The following NTM variants were observed in gnomAD, a reference collection of about 807,000 sequenced individuals.
NTM encodes neurotrimin.
In NTM, 13 loss-of-function variants were observed where a neutral mutation model predicts 42.1. The observed-to-expected ratio is 0.31, with a 90% CI of 0.20 to 0.49. The LOEUF is 0.49. Ranked by LOEUF, NTM falls within the 20% of genes least tolerant of loss-of-function variation. The probability of loss-of-function intolerance (pLI) is 0.99; values close to 1 mark genes in which losing one functional copy is unlikely to be tolerated. For synonymous variants in NTM, 187 were observed against 179.2 expected, an observed-to-expected ratio of 1.04 and a Z score of -0.35; for missense variants, 373 against 452.8, an observed-to-expected ratio of 0.82 and a Z score of 1.60.
At chr11:131,529,656 G>T (rs1404311744) in intron 1 of NTM, among the ~76,000 whole-genome samples, 1 of 152,108 alleles carries the variant, frequency 6.6e-6, no homozygotes, top group African/African-American at 2.4e-5. Context: ...TCATGGCATG[G>T]ATATTTATAC....
intron 2 of NTM, among the ~76,000 whole-genome samples, chr11:131,986,785 G>A (rs1406957561): frequency 2.6e-5 from 4 of 152,108 alleles, no homozygotes; most frequent in Non-Finnish European, 4.4e-5. Context: ...CTAGAAGAGT[G>A]CCTGACTATA....
At chr11:131,871,020 A>G (rs2047721186) in intron 1 of NTM, among the ~76,000 whole-genome samples, 1 of 152,200 alleles carries the variant, frequency 6.6e-6, no homozygotes, top group African/African-American at 2.4e-5. Flanking sequence ...GAAGGAACAA[A>G]TGTGAGAAAG....
intron 1 of NTM, among the ~76,000 whole-genome samples, chr11:131,499,913 T>C (rs437973): frequency 0.32 from 47,964 of 152,248 alleles, 7,812 homozygotes; most frequent in African/African-American, 0.37. Flanking sequence ...GAATAATTTC[T>C]TCTCTTTGAG....
chr11:131,812,997 G>A (rs2092801514), intron 1 of NTM, among the ~76,000 whole-genome samples: 1 of 152,174 alleles, frequency 6.6e-6, no homozygotes, highest in African/African-American at 2.4e-5. Context: ...TGGTTTTTAT[G>A]ACAACGTTTC....
intron 1 of NTM, among the ~76,000 whole-genome samples, chr11:131,476,749 C>T (rs1952978909): frequency 6.6e-6 from 1 of 152,008 alleles, no homozygotes; most frequent in Non-Finnish European, 1.5e-5. Flanking sequence ...AGAAGCCACA[C>T]TTCCCCTGCC....
At position 132,019,508 on chromosome 11, in the gene NTM, C is replaced by A. The variant is rs149354482; in HGVS notation, c.167+107860C>A. Among the ~76,000 whole-genome samples, 1,006 of 151,972 alleles carry A rather than the reference C, an allele frequency of 6.6e-3. 6 individuals are homozygous for A. The highest frequency in any genetic ancestry group is 0.023 in the African/African-American group (947 of 41,474). The stretch of plus-strand genomic sequence containing the variant: ...GAGATTGTGCTTTTAGGTATGCATA[C>A]CTATATAAGTATTACATCCTCCTGA... On this transcript the variant is annotated intron_variant, in intron 2 of 8. Transcript: ENST00000683400.
At chr11:131,941,215 T>C (rs2059758284) in intron 2 of NTM, among the ~76,000 whole-genome samples, 1 of 152,246 alleles carries the variant, frequency 6.6e-6, no homozygotes, top group Admixed American at 6.5e-5. Flanking sequence ...TGTGTTTGTG[T>C]GGCTCTATTT....
At chr11:131,512,570 C>T (rs902263126) in intron 1 of NTM, among the ~76,000 whole-genome samples, 5 of 152,228 alleles carry the variant, frequency 3.3e-5, no homozygotes, top group Non-Finnish European at 7.3e-5. Context: ...TCCCTCTCTA[C>T]TGCCCTCAGT....
chr11:131,972,287 A>G (rs529050990), intron 2 of NTM, among the ~76,000 whole-genome samples: 1 of 152,270 alleles, frequency 6.6e-6, no homozygotes, highest in South Asian at 2.1e-4. Context: ...CTAAAACTGA[A>G]TGAGTTAAAT....
At chr11:132,021,510 T>A (rs1024309755) in intron 2 of NTM, among the ~76,000 whole-genome samples, 5 of 152,194 alleles carry the variant, frequency 3.3e-5, no homozygotes, top group African/African-American at 1.2e-4. Flanking sequence ...GCCTCACTTT[T>A]CCCGCAAAGG....
chr11:131,952,707 C>A (rs959094986), intron 2 of NTM, among the ~76,000 whole-genome samples: 1 of 152,094 alleles, frequency 6.6e-6, no homozygotes, highest in South Asian at 2.1e-4. Context: ...CTAAAGCATT[C>A]AACTCAATTA....
At chr11:132,314,507 C>CATAACCATCTT (rs1565457176) in intron 6 of NTM, 45 bp from the exon 7 acceptor site, 1 of 1,577,784 alleles carries the variant, frequency 6.3e-7, no homozygotes, top group East Asian at 2.2e-5. Context: ...TATGAGGACA[C>CATAACCATCTT]ATAACCATCT....
At chr11:131,745,069 C>T (rs961939918) in intron 1 of NTM, among the ~76,000 whole-genome samples, 1 of 152,230 alleles carries the variant, frequency 6.6e-6, no homozygotes, top group African/African-American at 2.4e-5. Flanking sequence ...AAAACAAACT[C>T]TGACACACAG....
chr11:131,901,654 GAA>G (rs370371583), intron 1 of NTM, among the ~76,000 whole-genome samples: 2 of 144,310 alleles, frequency 1.4e-5, no homozygotes, highest in Admixed American at 6.9e-5. Context: ...CTCTGCCTTT[GAA>G]AAAAAAAAAG....
chr11:131,587,148 C>A (rs890929358), intron 1 of NTM, among the ~76,000 whole-genome samples: 5 of 152,260 alleles, frequency 3.3e-5, no homozygotes, highest in Admixed American at 3.3e-4. Context: ...CTCCATTTTA[C>A]AGATAAGGTA....
chr11:131,495,477 C>T lies in NTM; in HGVS notation c.82+124589C>T, dbSNP rs115403104. ...TGTGCTGCGGTGGGGCTTGCTTTTG[C>T]CTCTCTGCCCCACTAACTTTCCTCT... On this transcript the variant is annotated intron_variant, in intron 1 of 8. Transcript: ENST00000683400. 7.9e-3 allele frequency among the ~76,000 whole-genome samples: 1,203 copies of T among 152,328 alleles called. 15 individuals are homozygous for T. Among genetic ancestry groups the T allele is most frequent in the African/African-American group, 0.028 (1,155 of 41,566 alleles).
chr11:132,114,049 C>T (rs1284506604), intron 2 of NTM, among the ~76,000 whole-genome samples: 1 of 152,136 alleles, frequency 6.6e-6, no homozygotes, highest in Non-Finnish European at 1.5e-5. Context: ...CTTATTTCAT[C>T]ATCAACAAAT....
intron 4 of NTM, among the ~76,000 whole-genome samples, chr11:132,237,701 C>G (rs2089310659): frequency 6.6e-6 from 1 of 152,230 alleles, no homozygotes; most frequent in Non-Finnish European, 1.5e-5. Context: ...CAACTGTCCT[C>G]CCCTGTAAAT....
intron 1 of NTM, among the ~76,000 whole-genome samples, chr11:131,812,488 C>T (rs1325151091): frequency 6.6e-6 from 1 of 152,122 alleles, no homozygotes; most frequent in African/African-American, 2.4e-5. Flanking sequence ...CTTGCCTTCT[C>T]TCCATCCCTC....
Sources: gnomAD v4.1 joint callset for allele counts (sites outside exome capture counted in the v4.1 genomes callset) on GRCh38, gnomAD v4.1.1 for gene constraint, MANE v1.5 for transcripts, NCBI Gene and HGNC (gene_info 2026-07-23, HGNC 2026-07-21) for gene names.